Variants in FRMD3 observed in about 807,000 individuals in gnomAD.
The protein encoded by FRMD3 is FERM domain-containing protein 3.
A neutral mutation model predicts 70.2 loss-of-function variants in FRMD3; 33 were observed. That is an observed-to-expected ratio of 0.47 (90% CI 0.36 to 0.63). FRMD3 has a LOEUF of 0.63. Among genes scored for constraint, FRMD3 ranks in the 20% least tolerant of loss-of-function variants. The probability of loss-of-function intolerance (pLI) is 0.00; values close to 1 mark genes in which losing one functional copy is unlikely to be tolerated. For missense variants in FRMD3, 632 were observed against 711.4 expected, an observed-to-expected ratio of 0.89 and a Z score of 1.27; for synonymous variants, 279 against 255.9, an observed-to-expected ratio of 1.09 and a Z score of -0.86.
chr9:83,511,507 A>G (rs1829338149), intron 1 of FRMD3, among the ~76,000 whole-genome samples: 1 of 152,296 alleles, frequency 6.6e-6, no homozygotes, highest in Non-Finnish European at 1.5e-5. Flanking sequence ...TTTGCAAAAT[A>G]TGATACCATA....
At chr9:83,431,058 A>G (rs1826961670) in intron 1 of FRMD3, among the ~76,000 whole-genome samples, 1 of 152,258 alleles carries the variant, frequency 6.6e-6, no homozygotes, top group Admixed American at 6.5e-5. Flanking sequence ...CAGCAAGTTC[A>G]TTCTGAGCAA....
chr9:83,273,494 G>A (rs559464278), intron 13 of FRMD3, among the ~76,000 whole-genome samples: 35 of 151,570 alleles, frequency 2.3e-4, no homozygotes, highest in African/African-American at 7.5e-4. Flanking sequence ...CAAACACTGC[G>A]GAAGGCCGCA....
Position 83,246,575 on chromosome 9 carries a change from G to T in FRMD3, c.*1343C>A. The stretch of plus-strand genomic sequence containing the variant: ...GGAAGTCAAATTTTAAAACAACTGG[G>T]AAAGGAAAGGAGTATAATGACCACC... On this transcript the variant is annotated 3_prime_UTR_variant, in exon 14 of 14. Transcript: ENST00000304195. 1 of 984,880 alleles carries T rather than the reference G, an allele frequency of 1.0e-6. No homozygotes were observed. The highest frequency in any genetic ancestry group is 1.2e-6 in the Non-Finnish European group (1 of 829,836). 61.0% of individuals were successfully genotyped at this position (984,880 alleles called of 1,614,324 possible).
chr9:83,387,244 T>C (rs752056489), intron 2 of FRMD3, among the ~76,000 whole-genome samples: 9 of 152,232 alleles, frequency 5.9e-5, no homozygotes, highest in Non-Finnish European at 1.3e-4. Context: ...TTCTTCTGTA[T>C]GGAAGAGCTG....
intron 1 of FRMD3, among the ~76,000 whole-genome samples, chr9:83,442,551 G>A (rs1053750767): frequency 6.6e-6 from 1 of 151,830 alleles, no homozygotes; most frequent in Non-Finnish European, 1.5e-5. Context: ...ACTTACACAG[G>A]AGAAAAATAA....
chr9:83,372,714 A>T (rs1171479843), intron 3 of FRMD3, among the ~76,000 whole-genome samples, 199 bp downstream of exon 3: 1 of 152,014 alleles, frequency 6.6e-6, no homozygotes, highest in East Asian at 1.9e-4. Flanking sequence ...GGCCCAGGAG[A>T]CTATAGGATG....
chr9:83,282,539 ATTT>A (rs34420024), intron 13 of FRMD3, among the ~76,000 whole-genome samples: 89,106 of 148,226 alleles, frequency 0.6, 29,847 homozygotes, highest in East Asian at 0.86. Flanking sequence ...ACAGTCTTGG[ATTT>A]TTTTTTTTTT....
chr9:83,330,888 T>C lies in FRMD3; in HGVS notation c.596+4628A>G, dbSNP rs145982958. ...ATTAAAAGGCCCAAAGATGCCTGTA[T>C]AAAAATCTTTCTAAATGCAACTCTA... On this transcript the variant is annotated intron_variant, in intron 6 of 13. Transcript: ENST00000304195. Among the ~76,000 whole-genome samples the C allele has an allele frequency of 4.1e-3, 620 of 152,290 alleles. 4 individuals carry two copies. Among genetic ancestry groups the C allele is most frequent in the African/African-American group, 0.014 (589 of 41,570 alleles).
At chr9:83,298,080 G>A (rs1190602082) in intron 12 of FRMD3, among the ~76,000 whole-genome samples, 2 of 151,886 alleles carry the variant, frequency 1.3e-5, no homozygotes, top group African/African-American at 4.9e-5. Context: ...CCAGTGTAGG[G>A]GGACTTCCTA....
At chr9:83,353,874 G>A (rs1481045005) in intron 3 of FRMD3, among the ~76,000 whole-genome samples, 3 of 152,142 alleles carry the variant, frequency 2.0e-5, no homozygotes, top group South Asian at 2.1e-4. Context: ...AGTTTTAGAT[G>A]TTGTACATTC....
At chr9:83,446,277 G>T (rs901794037) in intron 1 of FRMD3, among the ~76,000 whole-genome samples, 3 of 152,164 alleles carry the variant, frequency 2.0e-5, no homozygotes, top group African/African-American at 4.8e-5. Context: ...GAGCCCAGCG[G>T]CCTTCATACC....
At chr9:83,248,923 T>G (rs1729332777) in intron 13 of FRMD3, among the ~76,000 whole-genome samples, 1 of 152,236 alleles carries the variant, frequency 6.6e-6, no homozygotes, top group South Asian at 2.1e-4. Flanking sequence ...TCAATGACAA[T>G]CTCTTTATTA....
chr9:83,274,946 G>A (rs1307072552), intron 13 of FRMD3, among the ~76,000 whole-genome samples: 1 of 152,204 alleles, frequency 6.6e-6, no homozygotes, highest in Non-Finnish European at 1.5e-5. Context: ...GTGGGGAAGG[G>A]TAACAAGGCA....
chr9:83,466,507 A>G (rs1828131167), intron 1 of FRMD3, among the ~76,000 whole-genome samples: 1 of 152,150 alleles, frequency 6.6e-6, no homozygotes, highest in Non-Finnish European at 1.5e-5. Flanking sequence ...GAATCTCAGT[A>G]TGTTCATCAG....
downstream of FRMD3, among the ~76,000 whole-genome samples, chr9:83,243,500 A>AAT (rs1157148405): frequency 6.6e-6 from 1 of 152,184 alleles, no homozygotes; most frequent in African/African-American, 2.4e-5. Flanking sequence ...AGGCAGTGAC[A>AAT]ATGGGTCAGG....
chr9:83,428,099 G>A (rs146142035), intron 1 of FRMD3, among the ~76,000 whole-genome samples: 76 of 152,318 alleles, frequency 5.0e-4, no homozygotes, highest in African/African-American at 1.7e-3. Flanking sequence ...TTTATAGGCC[G>A]GGTGAGGTGG....
At chr9:83,528,954 A>G (rs1829739953) in intron 1 of FRMD3, among the ~76,000 whole-genome samples, 1 of 152,260 alleles carries the variant, frequency 6.6e-6, no homozygotes, top group Non-Finnish European at 1.5e-5. Flanking sequence ...ATAACAATAA[A>G]CCCACTGTAC....
At chr9:83,291,359 T>C (rs1834412644) in intron 12 of FRMD3, among the ~76,000 whole-genome samples, 1 of 152,180 alleles carries the variant, frequency 6.6e-6, no homozygotes. Context: ...TCATTAAGCC[T>C]ATTGGTTGGG....
At chr9:83,423,516 C>T (rs1826703685) in intron 1 of FRMD3, among the ~76,000 whole-genome samples, 1 of 151,204 alleles carries the variant, frequency 6.6e-6, no homozygotes. Context: ...AATTTGGTAG[C>T]CACGAACCAC....
Sources: gnomAD v4.1 joint callset for allele counts (sites outside exome capture counted in the v4.1 genomes callset) on GRCh38, gnomAD v4.1.1 for gene constraint, MANE v1.5 for transcripts, NCBI Gene and HGNC (gene_info 2026-07-23, HGNC 2026-07-21) for gene names.